The following PCDH15 variants were observed in gnomAD, a reference collection of about 807,000 sequenced individuals.
PCDH15 encodes the protein protocadherin related 15.
Under a neutral mutation model 178.5 loss-of-function variants are expected in PCDH15, and 129 were observed. That is an observed-to-expected ratio of 0.72 (90% CI 0.63 to 0.84). PCDH15 has a LOEUF of 0.84. PCDH15 is among the 40% of genes least tolerant of loss of function. PCDH15 has a pLI of 0.00. For missense variants in PCDH15, 2,230 were observed against 2,099.9 expected, an observed-to-expected ratio of 1.06 and a Z score of -1.21; for synonymous variants, 800 against 732.0, an observed-to-expected ratio of 1.09 and a Z score of -1.50.
At chr10:55,443,500 G>A (rs1207864360) in intron 2 of PCDH15, among the ~76,000 whole-genome samples, 1 of 152,146 alleles carries the variant, frequency 6.6e-6, no homozygotes, top group Non-Finnish European at 1.5e-5. Context: ...CTCAAAAGAA[G>A]ACATTATTGC....
intron 18 of PCDH15, among the ~76,000 whole-genome samples, chr10:54,040,879 CG>C (rs1565098652): frequency 6.6e-6 from 1 of 151,758 alleles, no homozygotes; most frequent in African/African-American, 2.4e-5. Context: ...TGCCAATATA[CG>C]AAGATTTGGA....
chr10:55,506,678 GA>G (rs1348162595), intron 2 of PCDH15, among the ~76,000 whole-genome samples: 1 of 151,510 alleles, frequency 6.6e-6, no homozygotes, highest in Non-Finnish European at 1.5e-5. Flanking sequence ...ATTCCCGGGA[GA>G]GTGTATAATT....
chr10:54,594,714 A>C (rs1175998094), intron 2 of PCDH15, among the ~76,000 whole-genome samples: 1 of 152,174 alleles, frequency 6.6e-6, no homozygotes, highest in Non-Finnish European at 1.5e-5. Context: ...CTGACAGTGC[A>C]TGTGTACACA....
At chr10:54,163,565 T>G (rs1204877015) in intron 13 of PCDH15, among the ~76,000 whole-genome samples, 1 of 152,092 alleles carries the variant, frequency 6.6e-6, no homozygotes, top group Non-Finnish European at 1.5e-5. Flanking sequence ...GGTTCACAAC[T>G]CAAGGTGAGA....
Position 53,808,724 on chromosome 10 carries a change from C to T in PCDH15, c.4672-1594G>A, listed in dbSNP as rs376702097. Reference sequence around the variant, plus strand: ...GCTGTGTTGTAACCTTCAGAGTTTGCTCCTGGCGACTTCTTTTGGTTTGCA... The same window carrying T: ...GCTGTGTTGTAACCTTCAGAGTTTGTTCCTGGCGACTTCTTTTGGTTTGCA... On this transcript the variant is annotated intron_variant, in intron 37 of 37. Coordinates refer to ENST00000644397, the MANE Select transcript of PCDH15 (RefSeq NM_001384140.1). 9.3e-6 allele frequency: 15 copies of T among 1,612,840 alleles called. No homozygotes were observed. Among genetic ancestry groups the T allele is most frequent in the Non-Finnish European group, 1.3e-5 (15 of 1,179,486 alleles).
intron 3 of PCDH15, among the ~76,000 whole-genome samples, chr10:54,829,445 T>C (rs1033136599): frequency 1.3e-5 from 2 of 152,064 alleles, no homozygotes; most frequent in African/African-American, 2.4e-5. Flanking sequence ...GGGCTCAATA[T>C]GTAAAATCTT....
At chr10:54,884,482 T>G (rs527534909) in intron 3 of PCDH15, among the ~76,000 whole-genome samples, 69 of 87,628 alleles carry the variant, frequency 7.9e-4, no homozygotes, top group African/African-American at 2.5e-3. Context: ...CTAAGATAGG[T>G]GTGTGTGTGT....
chr10:54,093,579 G>A (rs989319174), intron 15 of PCDH15, among the ~76,000 whole-genome samples: 10 of 152,050 alleles, frequency 6.6e-5, no homozygotes, highest in African/African-American at 2.4e-4. Flanking sequence ...GTGTGTATAT[G>A]TGCCCTAAAC....
chr10:54,931,403 A>G (rs1837772353), intron 2 of PCDH15, among the ~76,000 whole-genome samples: 2 of 152,204 alleles, frequency 1.3e-5, no homozygotes, highest in Non-Finnish European at 2.9e-5. Context: ...TTTCCAGGAT[A>G]TTCTCATACA....
chr10:55,126,084 A>C (rs759658592), intron 2 of PCDH15, among the ~76,000 whole-genome samples: 1 of 152,018 alleles, frequency 6.6e-6, no homozygotes, highest in Non-Finnish European at 1.5e-5. Flanking sequence ...CATTTCCCCC[A>C]TATGGCAAAA....
chr10:54,699,865 G>A (rs1023188201), intron 1 of PCDH15, among the ~76,000 whole-genome samples: 8 of 151,870 alleles, frequency 5.3e-5, no homozygotes, highest in African/African-American at 1.7e-4. Context: ...GGTAAGTTAT[G>A]CATTGCATAG....
intron 15 of PCDH15, among the ~76,000 whole-genome samples, chr10:54,117,424 A>G (rs2095134895): frequency 6.6e-6 from 1 of 152,138 alleles, no homozygotes; most frequent in Admixed American, 6.5e-5. Flanking sequence ...GGGAGCCCTT[A>G]GATCTGGGTT....
At chr10:53,913,068 A>C (rs2083235564) in intron 25 of PCDH15, among the ~76,000 whole-genome samples, 1 of 152,236 alleles carries the variant, frequency 6.6e-6, no homozygotes, top group South Asian at 2.1e-4. Context: ...TAACCAAAAC[A>C]GCATGGTACT....
intron 15 of PCDH15, among the ~76,000 whole-genome samples, chr10:54,124,832 C>T (rs1013415566): frequency 6.6e-6 from 1 of 152,112 alleles, no homozygotes; most frequent in South Asian, 2.1e-4. Context: ...ATTTCTAGAA[C>T]CTTTCAAAGA....
At chr10:53,838,926 C>T (rs2077468916) in intron 29 of PCDH15, among the ~76,000 whole-genome samples, 1 of 151,976 alleles carries the variant, frequency 6.6e-6, no homozygotes, top group African/African-American at 2.4e-5. Context: ...ATTGATGAGC[C>T]AGGCACGGTG....
At chr10:54,246,120 G>A (rs1042380924) in intron 8 of PCDH15, among the ~76,000 whole-genome samples, 7 of 151,846 alleles carry the variant, frequency 4.6e-5, no homozygotes, top group Non-Finnish European at 1.0e-4. Context: ...GTGTTGACAA[G>A]AATATTCACT....
At chr10:55,375,390 T>G (rs960248475) in intron 2 of PCDH15, among the ~76,000 whole-genome samples, 1 of 152,090 alleles carries the variant, frequency 6.6e-6, no homozygotes, top group East Asian at 1.9e-4. Flanking sequence ...TCATAATGAA[T>G]CATGATTTCC....
chr10:53,872,266 C>A (rs936419469), intron 26 of PCDH15, among the ~76,000 whole-genome samples: 32 of 152,164 alleles, frequency 2.1e-4, no homozygotes, highest in African/African-American at 7.7e-4. Flanking sequence ...AACGACCTCA[C>A]TGCATCGATT....
chr10:54,648,896 A>G (rs2094193174), intron 2 of PCDH15, among the ~76,000 whole-genome samples: 1 of 152,174 alleles, frequency 6.6e-6, no homozygotes, highest in South Asian at 2.1e-4. Flanking sequence ...ATACAACCAC[A>G]TAAAATATTG....
Sources: allele counts gnomAD v4.1 joint callset (sites outside exome capture counted in the v4.1 genomes callset), GRCh38; gene constraint gnomAD v4.1.1; transcripts MANE v1.5; gene names NCBI Gene and HGNC (gene_info 2026-07-23, HGNC 2026-07-21).